DIAPH1: variants seen among roughly 807,000 people sequenced by gnomAD.
DIAPH1 encodes diaphanous related formin 1, also known as protein diaphanous homolog 1.
DIAPH1 carries 46 observed loss-of-function variants against 140.7 expected under a neutral mutation model. The ratio of observed to expected loss-of-function variants is 0.33; its 90% CI spans 0.26 to 0.42. The LOEUF is 0.42. Among genes scored for constraint, DIAPH1 ranks in the 10% least tolerant of loss-of-function variants. The pLI is 1.00. For missense variants in DIAPH1, 1,310 were observed against 1,558.7 expected (o/e 0.84, Z 2.69); for synonymous variants, 565 against 551.6 (o/e 1.02, Z -0.34).
chr5:141,587,951 G>A (rs1281349793), intron 2 of DIAPH1, among the ~76,000 whole-genome samples: 3 of 152,190 alleles, frequency 2.0e-5, no homozygotes, highest in African/African-American at 7.2e-5. Flanking sequence ...TTATCTGTAA[G>A]TATTATAGGG....
At chr5:141,607,609 A>G (rs1033732382) in intron 1 of DIAPH1, among the ~76,000 whole-genome samples, 1 of 152,250 alleles carries the variant, frequency 6.6e-6, no homozygotes, top group Non-Finnish European at 1.5e-5. Context: ...AGGTTTTTAT[A>G]GAAAGGGAAC....
chr5:141,573,990 A>G lies in DIAPH1; in HGVS notation c.1860T>C (p.Pro620=). Residue 620 remains proline (P), a synonymous_variant, in exon 16 of 28, where the codon CCT becomes CCC. Transcript: ENST00000389054. ...PPPPPPPPPP[P]LPGGVCISSP... Reference sequence around the variant, plus strand: ...AGGAGATGCAAACACCCCCAGGCAAAGGAGGTGGAGGAGGAGGAGGAGGAG... The same window carrying G: ...AGGAGATGCAAACACCCCCAGGCAAGGGAGGTGGAGGAGGAGGAGGAGGAG... 1 of 1,540,592 alleles carries G rather than the reference A, an allele frequency of 6.5e-7. No homozygotes were observed. The highest frequency in any genetic ancestry group is 8.8e-7 in the Non-Finnish European group (1 of 1,141,862).
chr5:141,569,787 T>A (rs1485597653), intron 18 of DIAPH1, among the ~76,000 whole-genome samples: 1 of 151,866 alleles, frequency 6.6e-6, no homozygotes, highest in African/African-American at 2.4e-5. Flanking sequence ...ATAAAAAAAA[T>A]AAAAGTAGTT....
intron 8 of DIAPH1, 145 bp downstream of exon 8, chr5:141,580,599 A>G (rs769878523): frequency 3.8e-6 from 3 of 789,126 alleles, no homozygotes; most frequent in Non-Finnish European, 6.4e-6. Flanking sequence ...AAATTTTAAG[A>G]TGCTTAGTGT....
intron 6 of DIAPH1, among the ~76,000 whole-genome samples, chr5:141,582,596 G>C (rs1038251625): frequency 1.3e-5 from 2 of 152,168 alleles, no homozygotes; most frequent in Non-Finnish European, 2.9e-5. Flanking sequence ...CAAGAATTTA[G>C]TATTATATTA....
intron 1 of DIAPH1, among the ~76,000 whole-genome samples, chr5:141,605,755 T>TA (rs1219886112): frequency 2.0e-5 from 3 of 152,200 alleles, no homozygotes. Context: ...TTAAAGACTA[T>TA]ACTTAGGTAC....
rs372962524 is a variant in DIAPH1, at chr5:141,596,892, GTA to G, written c.118-8644_118-8643del. Among the ~76,000 whole-genome samples the G allele has an allele frequency of 7.6e-3, 1,164 of 152,250 alleles. 20 individuals carry two copies. The highest frequency in any genetic ancestry group is 0.027 in the African/African-American group (1,106 of 41,544). ...GGGGAAGCAACTTGCCAAATAAACAGTATGCAACAAGAAGAAAGATGTTCTAA... is the reference window on the plus strand; with the variant it reads ...GGGGAAGCAACTTGCCAAATAAACAGTGCAACAAGAAGAAAGATGTTCTAA... On this transcript the variant is annotated intron_variant, in intron 1 of 27. Coordinates refer to ENST00000389054, the MANE Select transcript of DIAPH1 (RefSeq NM_005219.5).
chr5:141,577,749 T>C (rs1235855787), intron 11 of DIAPH1, among the ~76,000 whole-genome samples, 158 bp from the exon 12 acceptor site: 1 of 152,212 alleles, frequency 6.6e-6, no homozygotes, highest in Non-Finnish European at 1.5e-5. Context: ...CTTTAAGCTT[T>C]CTAAAACGTC....
At chr5:141,575,430 C>A (rs1055127780) in intron 14 of DIAPH1, among the ~76,000 whole-genome samples, 1 of 152,172 alleles carries the variant, frequency 6.6e-6, no homozygotes, top group Non-Finnish European at 1.5e-5. Flanking sequence ...AGGTGGATCA[C>A]CTGAGGTCAG....
chr5:141,516,992 C>G lies in DIAPH1; in HGVS notation c.3678G>C (p.Gly1226=), dbSNP rs1314519860. 1.2e-6 allele frequency: 2 copies of G among 1,614,208 alleles called. No individual in the cohort carries two copies. The highest frequency in any genetic ancestry group is 1.7e-6 in the Non-Finnish European group (2 of 1,180,034). Residue 1226 remains glycine, a synonymous_variant, in exon 28 of 28, where the codon GGG becomes GGC. Coordinates refer to ENST00000389054, the MANE Select transcript of DIAPH1 (RefSeq NM_005219.5). The stretch of plus-strand genomic sequence containing the variant: ...AAGCTAGCAGAGATGTGACTGCACA[C>G]CCGGCCTTCCTGTTGGCTGCAAGAG... The part of the protein sequence containing the change: ...RGPRQANRKA[G]CAVTSLLASE...
intron 18 of DIAPH1, chr5:141,563,243 G>A (rs1473161177): frequency 1.3e-5 from 2 of 152,136 alleles, no homozygotes; most frequent in African/African-American, 4.8e-5. Context: ...TGAGAAGTTT[G>A]GAAGATGGCA....
intron 6 of DIAPH1, among the ~76,000 whole-genome samples, chr5:141,582,800 A>G (rs1596388179): frequency 6.6e-6 from 1 of 152,180 alleles, no homozygotes; most frequent in Non-Finnish European, 1.5e-5. Flanking sequence ...AAGGTAGCCT[A>G]AGAGAGTCCA....
intron 18 of DIAPH1, among the ~76,000 whole-genome samples, chr5:141,555,505 A>G (rs1342983753): frequency 6.6e-6 from 1 of 152,180 alleles, no homozygotes; most frequent in Non-Finnish European, 1.5e-5. Context: ...TCCAGATACT[A>G]AAGCACCTAA....
chr5:141,576,348 T>C (rs2099895962), intron 13 of DIAPH1, 54 bp from the exon 14 acceptor site: 4 of 1,311,100 alleles, frequency 3.1e-6, no homozygotes, highest in Non-Finnish European at 4.4e-6. Context: ...GTTCTATTTC[T>C]TTCACACTAC....
chr5:141,578,866 T>C (rs547485663), intron 9 of DIAPH1, among the ~76,000 whole-genome samples: 3 of 152,304 alleles, frequency 2.0e-5, no homozygotes, highest in African/African-American at 2.4e-5. Flanking sequence ...TTTTCCTAGA[T>C]TGTAAATAGA....
intron 3 of DIAPH1, among the ~76,000 whole-genome samples, chr5:141,585,347 C>T (rs968463482): frequency 1.3e-5 from 2 of 152,148 alleles, no homozygotes; most frequent in Non-Finnish European, 2.9e-5. Context: ...AAATGTTTCA[C>T]TTGGCTAGCT....
intron 18 of DIAPH1, among the ~76,000 whole-genome samples, chr5:141,562,349 G>C (rs1287196151): frequency 2.0e-5 from 3 of 151,774 alleles, no homozygotes; most frequent in African/African-American, 7.3e-5. Context: ...ATACTGATAC[G>C]AAGACTCTCC....
intron 18 of DIAPH1, chr5:141,564,081 A>C (rs2099894005): frequency 6.6e-6 from 1 of 152,218 alleles, no homozygotes; most frequent in Admixed American, 6.5e-5. Flanking sequence ...CTCTCAAAGG[A>C]AGGCTATGCT....
intron 6 of DIAPH1, among the ~76,000 whole-genome samples, chr5:141,582,594 T>A (rs2099896936): frequency 6.6e-6 from 1 of 152,208 alleles, no homozygotes; most frequent in South Asian, 2.1e-4. Flanking sequence ...TCCAAGAATT[T>A]AGTATTATAT....
Sources: gnomAD v4.1 joint callset for allele counts (sites outside exome capture counted in the v4.1 genomes callset) on GRCh38, gnomAD v4.1.1 for gene constraint, MANE v1.5 for transcripts, NCBI Gene and HGNC (gene_info 2026-07-23, HGNC 2026-07-21) for gene names.